Variants in ZNF827 observed in about 807,000 individuals in gnomAD.
ZNF827 encodes the protein zinc finger protein 827.
ZNF827 carries 13 observed loss-of-function variants against 102.4 expected under a neutral mutation model. That is an observed-to-expected ratio of 0.13 (90% CI 0.08 to 0.20). The LOEUF is 0.20. ZNF827 is among the 10% of genes least tolerant of loss of function. The probability of loss-of-function intolerance (pLI) is 1.00; values close to 1 mark genes in which losing one functional copy is unlikely to be tolerated. For missense variants in ZNF827, 1,103 were observed against 1,344.4 expected, an observed-to-expected ratio of 0.82 and a Z score of 2.81; for synonymous variants, 523 against 536.2, an observed-to-expected ratio of 0.98 and a Z score of 0.34.
At chr4:145,824,393 C>A (rs188505617) in intron 7 of ZNF827, among the ~76,000 whole-genome samples, 85 of 152,220 alleles carry the variant, frequency 5.6e-4, no homozygotes, top group African/African-American at 1.7e-3. Flanking sequence ...AAATGGAAAG[C>A]CCTATTTATT....
At chr4:145,925,160 G>A (rs1317158108) in intron 1 of ZNF827, among the ~76,000 whole-genome samples, 2 of 152,104 alleles carry the variant, frequency 1.3e-5, no homozygotes, top group Non-Finnish European at 2.9e-5. Flanking sequence ...AACACCACAG[G>A]AAAGACCCAT....
intron 5 of ZNF827, among the ~76,000 whole-genome samples, chr4:145,859,311 G>GAAT (rs1395739757): frequency 2.6e-5 from 4 of 152,108 alleles, no homozygotes; most frequent in African/African-American, 9.7e-5. Context: ...CTGAATGAAA[G>GAAT]AATAAGTGAA....
intron 1 of ZNF827, among the ~76,000 whole-genome samples, chr4:145,910,146 G>A (rs1343368494): frequency 1.3e-5 from 2 of 152,166 alleles, no homozygotes; most frequent in Admixed American, 6.5e-5. Context: ...ACACACGGGG[G>A]GAGGGAGGGG....
chr4:145,848,599 T>C (rs1468785240), intron 6 of ZNF827, among the ~76,000 whole-genome samples: 1 of 152,190 alleles, frequency 6.6e-6, no homozygotes, highest in Non-Finnish European at 1.5e-5. Flanking sequence ...CTTATATATG[T>C]ATATACCATC....
intron 1 of ZNF827, among the ~76,000 whole-genome samples, chr4:145,928,890 C>G (rs1287771416): frequency 6.6e-6 from 1 of 152,132 alleles, no homozygotes; most frequent in Non-Finnish European, 1.5e-5. Context: ...GTGGCAGGAA[C>G]TGTGGCAGAC....
chr4:145,765,536 C>T lies in ZNF827; in HGVS notation c.3052+11G>A. ...GAGGGTTGAGCAGGCTCACACCCACCTCCTCCTTACCTTTCTCTGGCTTTT... is the reference window on the plus strand; with the variant it reads ...GAGGGTTGAGCAGGCTCACACCCACTTCCTCCTTACCTTTCTCTGGCTTTT... On this transcript the variant is annotated intron_variant, in intron 12 of 14. Transcript: ENST00000508784. This position sits in a 1 kb window ranked among gnomAD's most constrained non-coding sequence, Gnocchi z 4.7. The T allele has an allele frequency of 1.2e-6, 2 of 1,605,336 alleles. No individual in the cohort carries two copies. The highest frequency in any genetic ancestry group is 1.7e-6 in the Non-Finnish European group (2 of 1,175,600).
chr4:145,774,463 G>A, intron 11 of ZNF827, 43 bp downstream of exon 11: 2 of 1,581,124 alleles, frequency 1.3e-6, no homozygotes, highest in African/African-American at 1.3e-5. Flanking sequence ...TGGGGTGCAG[G>A]GGATGGAGAA....
At chr4:145,866,217 A>C (rs1381517792) in intron 5 of ZNF827, among the ~76,000 whole-genome samples, 3 of 152,210 alleles carry the variant, frequency 2.0e-5, no homozygotes, top group African/African-American at 7.2e-5. Context: ...ACTATCTGAA[A>C]AGGGTTTCTG....
chr4:145,899,229 T>A (rs1158227395), intron 2 of ZNF827, among the ~76,000 whole-genome samples: 1 of 151,998 alleles, frequency 6.6e-6, no homozygotes, highest in Non-Finnish European at 1.5e-5. Context: ...CCATAATGCT[T>A]CTTAGATAAA....
intron 8 of ZNF827, among the ~76,000 whole-genome samples, chr4:145,811,502 T>C (rs17806780): frequency 0.18 from 27,941 of 152,064 alleles, 2,676 homozygotes; most frequent in Non-Finnish European, 0.22. Flanking sequence ...CTCGTAGGGG[T>C]GAGGAGGTCT....
chr4:145,882,106 C>G (rs567900218), intron 4 of ZNF827, among the ~76,000 whole-genome samples: 28 of 152,296 alleles, frequency 1.8e-4, no homozygotes, highest in African/African-American at 6.7e-4. Context: ...TGACAAGGCA[C>G]AGAATCAGCA....
At chr4:145,875,182 C>T (rs1749052735) in intron 4 of ZNF827, among the ~76,000 whole-genome samples, 2 of 152,204 alleles carry the variant, frequency 1.3e-5, no homozygotes, top group South Asian at 4.1e-4. Flanking sequence ...TAAAGACCAT[C>T]ATTTGTTTTA....
At chr4:145,852,272 T>TA (rs1259355406) in intron 5 of ZNF827, among the ~76,000 whole-genome samples, 1 of 152,182 alleles carries the variant, frequency 6.6e-6, no homozygotes, top group African/African-American at 2.4e-5. Flanking sequence ...GACCATGGAA[T>TA]AAAAAATCAC....
chr4:145,864,675 A>T (rs1748025083), intron 5 of ZNF827, among the ~76,000 whole-genome samples: 1 of 152,086 alleles, frequency 6.6e-6, no homozygotes, highest in African/African-American at 2.4e-5. Flanking sequence ...GACTCAAAAA[A>T]AGTTGAAATG....
intron 8 of ZNF827, among the ~76,000 whole-genome samples, chr4:145,788,544 T>G (rs1316501388): frequency 6.6e-6 from 1 of 152,250 alleles, no homozygotes; most frequent in East Asian, 1.9e-4. Context: ...GTACTTGTAC[T>G]TCCAAGATTA....
chr4:145,889,846 G>A (rs1343429623), intron 3 of ZNF827, among the ~76,000 whole-genome samples: 1 of 151,946 alleles, frequency 6.6e-6, no homozygotes, highest in African/African-American at 2.4e-5. Context: ...GCGTGGTGGC[G>A]GACGCCTGTA....
In ZNF827 at chr4:145,763,453, C is replaced by T. The variant is rs1734823294; in HGVS notation, c.3231-331G>A. ...TTTTCAAAGTATTCTTCTACTTGGT[C>T]ATCCTAGAACATAAACTATTACACA... On this transcript the variant is annotated intron_variant, in intron 13 of 14. Coordinates refer to ENST00000508784, the MANE Select transcript of ZNF827 (RefSeq NM_001306215.2). The surrounding 1 kb of genome is among the most constrained non-coding windows in gnomAD (Gnocchi z 4.6). 6.6e-6 allele frequency among the ~76,000 whole-genome samples: 1 copy of T among 152,238 alleles called. No homozygotes were observed. Among genetic ancestry groups the T allele is most frequent in the Non-Finnish European group, 1.5e-5 (1 of 68,050 alleles).
chr4:145,862,065 G>A (rs1747784069), intron 5 of ZNF827, among the ~76,000 whole-genome samples: 1 of 152,214 alleles, frequency 6.6e-6, no homozygotes, highest in Non-Finnish European at 1.5e-5. Context: ...GCTCCCATAT[G>A]GGGCGGGGGA....
chr4:145,849,197 C>T, intron 6 of ZNF827, 125 bp downstream of exon 6: 1 of 1,291,146 alleles, frequency 7.7e-7, no homozygotes, highest in South Asian at 1.6e-5. Context: ...CATGTTAAAG[C>T]AACAAAATTG....
Sources: allele counts gnomAD v4.1 joint callset (sites outside exome capture counted in the v4.1 genomes callset), GRCh38; gene constraint gnomAD v4.1.1; non-coding constraint Gnocchi (gnomAD v3.1); transcripts MANE v1.5; gene names NCBI Gene and HGNC (gene_info 2026-07-23, HGNC 2026-07-21).